The following SLC24A2 variants were observed in gnomAD, a reference collection of about 807,000 sequenced individuals.
SLC24A2 encodes the protein sodium/potassium/calcium exchanger 2.
In SLC24A2, 36 loss-of-function variants were observed where a neutral mutation model predicts 62.0. That is an observed-to-expected ratio of 0.58 (90% CI 0.44 to 0.77). The LOEUF (loss-of-function observed/expected upper bound fraction) is 0.77. SLC24A2 is among the 30% of genes least tolerant of loss of function. SLC24A2 has a pLI of 0.00. For synonymous variants in SLC24A2, 358 were observed against 294.0 expected (o/e 1.22, Z -2.23); for missense variants, 846 against 817.9 (o/e 1.03, Z -0.42).
the SLC24A2 span, among the ~76,000 whole-genome samples, chr9:19,802,778 A>T: frequency 5.0e-3 from 758 of 152,352 alleles, 7 homozygotes; most frequent in African/African-American, 0.017. Flanking sequence ...TCAGAAAAAT[A>T]ATAATGTTAA....
chr9:20,291,098 A>G, the SLC24A2 span, among the ~76,000 whole-genome samples: 1 of 152,226 alleles, frequency 6.6e-6, no homozygotes, highest in Non-Finnish European at 1.5e-5. Flanking sequence ...GAACAGAGGA[A>G]GAGCTCCAAG....
chr9:20,185,519 G>GCTGGGCGTGGT, the SLC24A2 span, among the ~76,000 whole-genome samples: 1 of 151,856 alleles, frequency 6.6e-6, no homozygotes, highest in Non-Finnish European at 1.5e-5. Flanking sequence ...CAAAAAATTA[G>GCTGGGCGTGGT]CTGGGCGTGG....
chr9:20,038,220 A>G, the SLC24A2 span, among the ~76,000 whole-genome samples: 1 of 152,204 alleles, frequency 6.6e-6, no homozygotes, highest in Non-Finnish European at 1.5e-5. Context: ...CAGCTGTGTA[A>G]GCTTGAACAA....
At chr9:19,989,794 G>A in the SLC24A2 span, among the ~76,000 whole-genome samples, 2 of 152,186 alleles carry the variant, frequency 1.3e-5, no homozygotes, top group African/African-American at 4.8e-5. Flanking sequence ...TTCTTGTACA[G>A]AAAAGTGCAT....
chr9:19,637,355 A>G (rs550375701), intron 2 of SLC24A2, among the ~76,000 whole-genome samples: 1 of 152,344 alleles, frequency 6.6e-6, no homozygotes, highest in East Asian at 1.9e-4. Flanking sequence ...ATGGTGCCCA[A>G]CTGTGTTTGT....
At chr9:20,019,298 AGAAAGAAAGAAAG>A in the SLC24A2 span, among the ~76,000 whole-genome samples, 692 of 150,718 alleles carry the variant, frequency 4.6e-3, 6 homozygotes, top group African/African-American at 0.015. Flanking sequence ...AAAGAAAGAA[AGAAAGAAAGAAAG>A]AAAGTGAGTG....
chr9:20,158,279 A>T, the SLC24A2 span, among the ~76,000 whole-genome samples: 4 of 151,774 alleles, frequency 2.6e-5, no homozygotes, highest in Non-Finnish European at 5.9e-5. Flanking sequence ...GAGGTTACAC[A>T]GGTCTGAATG....
chr9:19,856,501 T>A, the SLC24A2 span, among the ~76,000 whole-genome samples: 7 of 152,194 alleles, frequency 4.6e-5, no homozygotes, highest in African/African-American at 1.7e-4. Flanking sequence ...GTTGTTGTTG[T>A]TGCTGTTTAT....
At chr9:20,064,963 G>C in the SLC24A2 span, among the ~76,000 whole-genome samples, 1 of 152,156 alleles carries the variant, frequency 6.6e-6, no homozygotes, top group Admixed American at 6.5e-5. Context: ...GGACAGGCAG[G>C]TGAAAGTGAG....
At chr9:19,810,451 A>G in the SLC24A2 span, among the ~76,000 whole-genome samples, 11 of 152,254 alleles carry the variant, frequency 7.2e-5, no homozygotes. Context: ...TAAGCCAAAC[A>G]GTTCGAGACA....
At chr9:20,191,724 G>A in the SLC24A2 span, among the ~76,000 whole-genome samples, 1 of 151,460 alleles carries the variant, frequency 6.6e-6, no homozygotes, top group Non-Finnish European at 1.5e-5. Flanking sequence ...GGTGGTAAGT[G>A]CCCTCTAAGG....
intron 2 of SLC24A2, among the ~76,000 whole-genome samples, chr9:19,703,535 G>C (rs969899965): frequency 3.9e-5 from 6 of 152,128 alleles, no homozygotes; most frequent in African/African-American, 4.8e-5. Context: ...GACATAATTG[G>C]CCCAAAGAAC....
At chr9:19,736,198 G>C (rs1821504881) in intron 2 of SLC24A2, among the ~76,000 whole-genome samples, 1 of 152,082 alleles carries the variant, frequency 6.6e-6, no homozygotes, top group East Asian at 1.9e-4. Flanking sequence ...ATAAAATAGG[G>C]ATGGGAAACA....
the SLC24A2 span, among the ~76,000 whole-genome samples, chr9:19,794,410 A>G: frequency 4.1e-4 from 63 of 152,232 alleles, no homozygotes; most frequent in Middle Eastern, 3.4e-3. Context: ...TCAGGTACAC[A>G]TGGACACAAA....
the SLC24A2 span, among the ~76,000 whole-genome samples, chr9:20,080,315 T>C: frequency 1.2e-4 from 19 of 152,234 alleles, no homozygotes; most frequent in South Asian, 3.7e-3. Context: ...TGCTCAGAAA[T>C]AATGCCGCAT....
At chr9:20,168,696 G>A in the SLC24A2 span, among the ~76,000 whole-genome samples, 28 of 152,080 alleles carry the variant, frequency 1.8e-4, no homozygotes, top group African/African-American at 6.5e-4. Context: ...AGAAGAAAAG[G>A]TAAAATAACA....
At chr9:19,892,470 C>CTGA in the SLC24A2 span, among the ~76,000 whole-genome samples, 7 of 152,180 alleles carry the variant, frequency 4.6e-5, no homozygotes, top group Non-Finnish European at 7.3e-5. Flanking sequence ...AGAGCAAAGC[C>CTGA]TGATGCCTCA....
At chr9:20,201,840 TTTCAAC>T in the SLC24A2 span, among the ~76,000 whole-genome samples, 3 of 152,164 alleles carry the variant, frequency 2.0e-5, no homozygotes, top group African/African-American at 7.2e-5. Context: ...TTCCCACCAT[TTTCAAC>T]TTCTTTTCCT....
the SLC24A2 span, among the ~76,000 whole-genome samples, chr9:20,284,119 C>T: frequency 1.3e-5 from 2 of 152,132 alleles, no homozygotes; most frequent in Non-Finnish European, 2.9e-5. Flanking sequence ...AACTATCACT[C>T]GACATTTCTA....
Sources: allele counts gnomAD v4.1 joint callset (sites outside exome capture counted in the v4.1 genomes callset), GRCh38; gene constraint gnomAD v4.1.1; transcripts MANE v1.5; gene names NCBI Gene and HGNC (gene_info 2026-07-23, HGNC 2026-07-21).